Variants in PPP4R1 observed in about 807,000 individuals in gnomAD.
PPP4R1 encodes serine/threonine-protein phosphatase 4 regulatory subunit 1.
In PPP4R1, 42 loss-of-function variants were observed where a neutral mutation model predicts 111.2. That is an observed-to-expected ratio of 0.38 (90% CI 0.29 to 0.49). PPP4R1 has a LOEUF of 0.49. Among genes scored for constraint, PPP4R1 ranks in the 20% least tolerant of loss-of-function variants. The pLI is 0.97. For missense variants in PPP4R1, 1,012 were observed against 1,161.6 expected (o/e 0.87, Z 1.87); for synonymous variants, 409 against 405.5 (o/e 1.01, Z -0.10).
At chr18:9,576,685 A>T (rs921052809) in intron 10 of PPP4R1, among the ~76,000 whole-genome samples, 36 of 152,186 alleles carry the variant, frequency 2.4e-4, no homozygotes, top group Non-Finnish European at 4.3e-4. Context: ...AAACAAATTT[A>T]AAAAAACCCA....
rs542753586 is a variant in PPP4R1 at position 9,550,520 on chromosome 18, G to A, written c.2292-122C>T. On this transcript the variant is annotated intron_variant, in intron 16 of 19. Coordinates refer to ENST00000400556, the MANE Select transcript of PPP4R1 (RefSeq NM_001042388.3). ...AGCACCTGTCTCAAACATACGCAAA[G>A]AGGAGTGATTAAGCAGACCTCTCCT... The A allele has an allele frequency of 1.4e-3, 1,664 of 1,160,890 alleles. 2 individuals are homozygous for A. The highest frequency in any genetic ancestry group is 1.8e-3 in the Non-Finnish European group (1,505 of 823,026). 71.9% of individuals were successfully genotyped at this position (1,160,890 alleles called of 1,614,324 possible). A position where few individuals can be genotyped will look rare whatever the true frequency, so the allele number is the denominator to read the frequency against.
intron 18 of PPP4R1, chr18:9,549,756 T>G: frequency 1.9e-6 from 1 of 526,706 alleles, no homozygotes; most frequent in Non-Finnish European, 3.4e-6. Context: ...TACACACGTC[T>G]GAATGTGTGC....
At chr18:9,582,407 A>G (rs76265648) in intron 9 of PPP4R1, among the ~76,000 whole-genome samples, 8,445 of 152,276 alleles carry the variant, frequency 0.055, 305 homozygotes, top group Middle Eastern at 0.092. Context: ...GTATAATCAT[A>G]TACCAACAAA....
chr18:9,580,218 A>C (rs1032614463), intron 9 of PPP4R1, among the ~76,000 whole-genome samples: 7 of 152,172 alleles, frequency 4.6e-5, no homozygotes, highest in African/African-American at 1.7e-4. Context: ...CTTCTCAGTG[A>C]AGTAAGTGAA....
chr18:9,568,086 T>C (rs2066799050), intron 11 of PPP4R1, among the ~76,000 whole-genome samples: 1 of 152,174 alleles, frequency 6.6e-6, no homozygotes, highest in Admixed American at 6.5e-5. Flanking sequence ...TGGAGTGTAG[T>C]AGTGCAATCA....
intron 4 of PPP4R1, 135 bp downstream of exon 4, chr18:9,593,633 T>TGG: frequency 1.3e-6 from 1 of 755,136 alleles, no homozygotes; most frequent in Non-Finnish European, 2.0e-6. Context: ...TTGTCACTGA[T>TGG]GGGTTTGATA....
chr18:9,553,244 G>A, intron 16 of PPP4R1, 78 bp downstream of exon 16: 3 of 1,156,946 alleles, frequency 2.6e-6, no homozygotes, highest in Non-Finnish European at 2.5e-6. Flanking sequence ...ACAAAGTAAT[G>A]AAGAAACTGA....
chr18:9,608,955 C>T (rs1255881707), intron 2 of PPP4R1, among the ~76,000 whole-genome samples: 2 of 152,116 alleles, frequency 1.3e-5, no homozygotes, highest in African/African-American at 4.8e-5. Context: ...AAAAAGTATG[C>T]ATTTAGGTGT....
intron 15 of PPP4R1, among the ~76,000 whole-genome samples, chr18:9,555,679 A>T (rs1195295396): frequency 2.6e-5 from 4 of 152,212 alleles, no homozygotes; most frequent in Non-Finnish European, 4.4e-5. Context: ...TGTAAATTCA[A>T]ATTGAGGGTA....
rs189156383 is a variant in PPP4R1 at position 9,571,104 on chromosome 18, T to A, written c.1047-421A>T. Among the ~76,000 whole-genome samples, 270 of 152,308 alleles carry A rather than the reference T, an allele frequency of 1.8e-3. 1 individual carries two copies. The highest frequency in any genetic ancestry group is 3.3e-3 in the Non-Finnish European group (222 of 68,016). ...ATTACCTCTCTACTCCAACGACATATTGCAAAGCTGAGACCTAAAGCCTAT... is the reference window on the plus strand; with the variant it reads ...ATTACCTCTCTACTCCAACGACATAATGCAAAGCTGAGACCTAAAGCCTAT... On this transcript the variant is annotated intron_variant, in intron 10 of 19. Transcript: ENST00000400556.
chr18:9,614,177 C>T lies in PPP4R1; in HGVS notation c.52+49G>A. The T allele has an allele frequency of 7.6e-7, 1 of 1,312,166 alleles. No homozygotes were observed. The highest frequency in any genetic ancestry group is 9.8e-7 in the Non-Finnish European group (1 of 1,016,992). The allele number at this position is 1,312,166 out of a possible 1,614,324, so 81.3% of individuals were successfully genotyped here. On this transcript the variant is annotated intron_variant, in intron 2 of 19. Transcript: ENST00000400556. The surrounding 1 kb of genome is among the most constrained non-coding windows in gnomAD (Gnocchi z 4.1). ...AGGCCTCGCCGCCGCCCGCCCTCCCCGGCCGCTCCCCGCGGACTGCCAGGC... is the reference window on the plus strand; with the variant it reads ...AGGCCTCGCCGCCGCCCGCCCTCCCTGGCCGCTCCCCGCGGACTGCCAGGC...
chr18:9,602,602 T>A (rs1192085588), intron 2 of PPP4R1, among the ~76,000 whole-genome samples: 1 of 147,562 alleles, frequency 6.8e-6, no homozygotes, highest in African/African-American at 2.5e-5. Flanking sequence ...ACTCACACCT[T>A]TAATCCCAGC....
At chr18:9,555,921 G>A (rs1417574247) in intron 15 of PPP4R1, among the ~76,000 whole-genome samples, 3 of 151,616 alleles carry the variant, frequency 2.0e-5, no homozygotes, top group Non-Finnish European at 2.9e-5. Flanking sequence ...CGGATCACAA[G>A]ATCAGGAGAT....
At chr18:9,555,561 A>C (rs1466461887) in intron 15 of PPP4R1, among the ~76,000 whole-genome samples, 1 of 152,198 alleles carries the variant, frequency 6.6e-6, no homozygotes, top group Non-Finnish European at 1.5e-5. Flanking sequence ...AATGATGGGA[A>C]GAGCCAACAC....
intron 12 of PPP4R1, chr18:9,562,967 T>C (rs1358867228): frequency 8.0e-6 from 8 of 996,358 alleles, no homozygotes; most frequent in South Asian, 4.5e-5. Context: ...CTCCGCAACA[T>C]GGCCTCAAGT....
At chr18:9,584,931 T>C (rs1299582921) in intron 6 of PPP4R1, 103 bp from the exon 7 acceptor site, 1 of 921,074 alleles carries the variant, frequency 1.1e-6, no homozygotes, top group Non-Finnish European at 1.7e-6. Flanking sequence ...TAAAATATGA[T>C]ATGGCATCAT....
chr18:9,563,482 T>C lies in PPP4R1; in HGVS notation c.1642A>G (p.Ile548Val), dbSNP rs141353809. ...TCTTGCAAATCACTTCTCTTTTCTA[T>C]ACTGATGGTCTCTTCATGTGCATCC... ...SLDAHEETISIEKRSDLQDEL... is the reference protein window; with the variant it reads ...SLDAHEETISVEKRSDLQDEL... The change falls in exon 12 of 20, where the codon ATA (isoleucine) becomes GTA (valine). Residue 548 changes from isoleucine to valine, a missense_variant. By Grantham distance (29) the Ile-to-Val change is conservative. Transcript: ENST00000400556. The C allele has an allele frequency of 2.2e-5, 36 of 1,607,310 alleles. No homozygotes were observed. In the East Asian group the frequency reaches 7.4e-4, roughly 33 times the overall value.
At chr18:9,569,910 C>T (rs975290126) in intron 11 of PPP4R1, among the ~76,000 whole-genome samples, 3 of 151,766 alleles carry the variant, frequency 2.0e-5, no homozygotes, top group African/African-American at 2.4e-5. Flanking sequence ...CCACCATGCC[C>T]GGCTAATTTT....
At chr18:9,567,317 C>T (rs1458381530) in intron 11 of PPP4R1, among the ~76,000 whole-genome samples, 2 of 152,246 alleles carry the variant, frequency 1.3e-5, no homozygotes, top group East Asian at 3.9e-4. Context: ...AGCTTGAAAA[C>T]GTGAGTGAAA....
Sources: allele counts gnomAD v4.1 joint callset (sites outside exome capture counted in the v4.1 genomes callset), GRCh38; gene constraint gnomAD v4.1.1; non-coding constraint Gnocchi (gnomAD v3.1); transcripts MANE v1.5; gene names NCBI Gene and HGNC (gene_info 2026-07-23, HGNC 2026-07-21).